Variants in CDC42EP1 observed in about 807,000 individuals in gnomAD.
CDC42EP1 encodes 55 kDa bone marrow stromal/endothelial cell protein.
CDC42EP1 carries 6 observed loss-of-function variants against 7.4 expected under a neutral mutation model. The ratio of observed to expected loss-of-function variants is 0.81; its 90% CI spans 0.44 to 1.60. CDC42EP1 has a LOEUF of 1.60. Ranked by LOEUF, CDC42EP1 falls within the 40% of genes most tolerant of loss-of-function variation. The probability of loss-of-function intolerance (pLI) is 0.01; values close to 1 mark genes in which losing one functional copy is unlikely to be tolerated. For missense variants in CDC42EP1, 567 were observed against 539.0 expected, an observed-to-expected ratio of 1.05 and a Z score of -0.51; for synonymous variants, 238 against 227.1, an observed-to-expected ratio of 1.05 and a Z score of -0.43.
chr22:37,567,297 G>T (rs892450002), intron 2 of CDC42EP1, among the ~76,000 whole-genome samples: 3 of 152,156 alleles, frequency 2.0e-5, no homozygotes, highest in Admixed American at 6.6e-5. Context: ...CAGGAGAGGC[G>T]CAGGGGGGCT....
At position 37,568,255 on chromosome 22, in the gene CDC42EP1, C is replaced by T; in HGVS notation, c.611C>T (p.Pro204Leu). Reference protein sequence around the residue: ...LSFRLDLDLGPSLLSELLGVM... With the variant: ...LSFRLDLDLGLSLLSELLGVM... ...TTCCGCCTGGACCTCGACCTTGGGC[C>T]CTCACTCCTCAGCGAGCTGCTAGGG... Residue 204 changes from proline to leucine, a missense_variant, in exon 3 of 3, where the codon CCC becomes CTC. Pro to Leu is a moderately conservative substitution (Grantham distance 98). Transcript: ENST00000249014. The T allele has an allele frequency of 6.2e-7, 1 of 1,613,754 alleles. No individual in the cohort carries two copies. Among genetic ancestry groups the T allele is most frequent in the South Asian group, 1.1e-5 (1 of 91,084 alleles).
rs761116224 is a variant in CDC42EP1, at chr22:37,568,210, G to A, written c.566G>A (p.Arg189His). The A allele has an allele frequency of 7.4e-6, 12 of 1,613,770 alleles. No individual in the cohort carries two copies. Among genetic ancestry groups the A allele is most frequent in the Admixed American group, 1.7e-5 (1 of 59,986 alleles). ...TTCCCCTCTGAGCCCGGGCTTCGCC[G>A]CTCTGACTCTCTCTTGTCCTTCCGC... ...GSFPSEPGLR[R>H]SDSLLSFRLD... The change falls in exon 3 of 3, where the codon CGC (arginine) becomes CAC (histidine). Residue 189 changes from arginine to histidine, a missense_variant. Arg to His is a conservative substitution (Grantham distance 29). Coordinates refer to ENST00000249014, the MANE Select transcript of CDC42EP1 (RefSeq NM_152243.3).
chr22:37,568,261 T>C lies in CDC42EP1; in HGVS notation c.617T>C (p.Leu206Pro). ...CTGGACCTCGACCTTGGGCCCTCAC[T>C]CCTCAGCGAGCTGCTAGGGGTCATG... ...FRLDLDLGPS[L>P]LSELLGVMSL... Residue 206 changes from leucine (L) to proline (P), a missense_variant, in exon 3 of 3, where the codon CTC (leucine) becomes CCC (proline). Coordinates refer to ENST00000249014, the MANE Select transcript of CDC42EP1 (RefSeq NM_152243.3). The C allele has an allele frequency of 6.2e-7, 1 of 1,613,422 alleles. No individual in the cohort carries two copies. The highest frequency in any genetic ancestry group is 8.5e-7 in the Non-Finnish European group (1 of 1,179,920).
chr22:37,561,997 T>C (rs1925059987), intron 1 of CDC42EP1, among the ~76,000 whole-genome samples: 1 of 152,146 alleles, frequency 6.6e-6, no homozygotes, highest in South Asian at 2.1e-4. Context: ...CTATCCTCTA[T>C]AGGGTAAATA....
chr22:37,566,439 G>A lies in CDC42EP1; in HGVS notation c.90G>A (p.Lys30=), dbSNP rs1029006626. ...GCTGGGTGTCCAGTTCACAGGGAAA[G>A]AGGCGGCTGACTGCAGACATGATCA... ...PVGWVSSSQG[K]RRLTADMISH... is the part of the protein sequence containing the mutation. Residue 30 remains lysine (K), a synonymous_variant, in exon 2 of 3, where the codon AAG becomes AAA. Coordinates refer to ENST00000249014, the MANE Select transcript of CDC42EP1 (RefSeq NM_152243.3). This position sits in a 1 kb window ranked among gnomAD's most constrained non-coding sequence, Gnocchi z 6.4. 2.5e-6 allele frequency: 4 copies of A among 1,610,952 alleles called. No homozygotes were observed. The highest frequency in any genetic ancestry group is 3.4e-6 in the Non-Finnish European group (4 of 1,178,776).
At chr22:37,564,522 T>A (rs1448321741) in intron 1 of CDC42EP1, 1 of 152,274 alleles carries the variant, frequency 6.6e-6, no homozygotes, top group Non-Finnish European at 1.5e-5. Flanking sequence ...GCTCTGGCTG[T>A]TTACCCAGCT....
Position 37,566,597 on chromosome 22 carries a change from C to A in CDC42EP1, c.248C>A (p.Ala83Asp), listed in dbSNP as rs779105093. The change falls in exon 2 of 3, where the codon GCC (alanine) becomes GAC (aspartate). Residue 83 changes from alanine (A) to aspartate (D), a missense_variant. Transcript: ENST00000249014. This position sits in a 1 kb window ranked among gnomAD's most constrained non-coding sequence, Gnocchi z 6.4. ...STHRSPRSFL[A>D]KKLQLVRRVG... ...CATCGCTCACCCCGCAGCTTCCTGG[C>A]CAAGAAGCTGCAGCTGGTGCGGAGG... 1 of 1,599,876 alleles carries A rather than the reference C, an allele frequency of 6.3e-7. No homozygotes were observed. Among genetic ancestry groups the A allele is most frequent in the African/African-American group, 1.3e-5 (1 of 74,862 alleles).
At chr22:37,564,774 T>A (rs1925166205) in intron 1 of CDC42EP1, among the ~76,000 whole-genome samples, 2 of 152,162 alleles carry the variant, frequency 1.3e-5, no homozygotes, top group Non-Finnish European at 2.9e-5. Context: ...AGGAGTAATG[T>A]TTTTGTTGTT....
Position 37,566,755 on chromosome 22 carries a change from G to T in CDC42EP1, c.406G>T (p.Gly136Cys), listed in dbSNP as rs1197184622. Residue 136 changes from glycine to cysteine, a missense_variant, in exon 2 of 3, where the codon GGC (glycine) becomes TGC (cysteine). Gly to Cys is a radical substitution (Grantham distance 159). Coordinates refer to ENST00000249014, the MANE Select transcript of CDC42EP1 (RefSeq NM_152243.3). This position sits in a 1 kb window ranked among gnomAD's most constrained non-coding sequence, Gnocchi z 6.4. ...NQAAYDSLVVGKLSFDSSPTS... is the reference protein window; with the variant it reads ...NQAAYDSLVVCKLSFDSSPTS... Reference sequence around the variant, plus strand: ...GGCCGCCTACGACAGCCTCGTGGTTGGCAAGCTCAGCTTCGACAGCAGCCC... The same window carrying T: ...GGCCGCCTACGACAGCCTCGTGGTTTGCAAGCTCAGCTTCGACAGCAGCCC... 2.5e-6 allele frequency: 4 copies of T among 1,601,004 alleles called. No homozygotes were observed. The Admixed American group carries it at 5.2e-5, about 21-fold the overall frequency.
At chr22:37,563,751 C>T (rs1925128310) in intron 1 of CDC42EP1, 1 of 152,220 alleles carries the variant, frequency 6.6e-6, no homozygotes, top group Admixed American at 6.5e-5. Context: ...TCATTATTGA[C>T]TTTTATCAGC....
At chr22:37,564,834 A>G (rs1046583090) in intron 1 of CDC42EP1, among the ~76,000 whole-genome samples, 3 of 152,190 alleles carry the variant, frequency 2.0e-5, no homozygotes, top group African/African-American at 7.2e-5. Flanking sequence ...GCTGGAGTGC[A>G]GTGGCGCAAT....
rs1925236962 is a variant in CDC42EP1 at position 37,566,363 on chromosome 22, AG to A, written c.20del (p.Gly7AlafsTer7). 3 of 1,198,934 alleles carry A rather than the reference AG, an allele frequency of 2.5e-6. No homozygotes were observed. The highest frequency in any genetic ancestry group is 3.2e-6 in the Non-Finnish European group (3 of 939,224). 74.3% of individuals were successfully genotyped at this position (1,198,934 alleles called of 1,614,324 possible). On this transcript the variant is annotated frameshift_variant, in exon 2 of 3. Coordinates refer to ENST00000249014, the MANE Select transcript of CDC42EP1 (RefSeq NM_152243.3). LOFTEE classifies it high-confidence loss of function. This position sits in a 1 kb window ranked among gnomAD's most constrained non-coding sequence, Gnocchi z 6.4. MPGPQGGRGAATMSL... is the reference protein window; with the variant it reads MPGPXGGRGAATMSL... ...CAGCCAGAGCTGATGCCCGGCCCCCAGGGGGGCAGAGGCGCCGCCACCATGA... is the reference window on the plus strand; with the variant it reads ...CAGCCAGAGCTGATGCCCGGCCCCCAGGGGGCAGAGGCGCCGCCACCATGA...
intron 1 of CDC42EP1, among the ~76,000 whole-genome samples, chr22:37,560,798 C>G (rs1169053972): frequency 6.6e-6 from 1 of 152,052 alleles, no homozygotes; most frequent in East Asian, 2.0e-4. Flanking sequence ...CTTCGTGTCC[C>G]GTTCCAGGCT....
chr22:37,568,986 T>A lies in CDC42EP1; in HGVS notation c.*166T>A, dbSNP rs1032326405. ...GGAGGACAGGGAAGGCCAGGCTTGC[T>A]CTGGGACTTTTATGCTCCCAGAGGC... is the stretch of plus-strand genomic sequence containing the variant. On this transcript the variant is annotated 3_prime_UTR_variant, in exon 3 of 3. Coordinates refer to ENST00000249014, the MANE Select transcript of CDC42EP1 (RefSeq NM_152243.3). 2 of 455,236 alleles carry A rather than the reference T, an allele frequency of 4.4e-6. No homozygotes were observed. Among genetic ancestry groups the A allele is most frequent in the Admixed American group, 8.3e-5 (2 of 24,136 alleles). 28.2% of individuals were successfully genotyped at this position (455,236 alleles called of 1,614,324 possible).
In CDC42EP1 at chr22:37,569,330, C is replaced by T. The variant is rs189008099; in HGVS notation, c.*510C>T. The T allele has an allele frequency of 4.3e-3, 660 of 152,944 alleles. No individual in the cohort carries two copies. The highest frequency in any genetic ancestry group is 0.01 in the Middle Eastern group (3 of 294). The allele number at this position is 152,944 out of a possible 1,614,324, so 9.5% of individuals were successfully genotyped here. ...CCCAGAAAGGTCAGGTATGACCTCC[C>T]GGGGAGGAATCCCACCTGCCTGTAT... On this transcript the variant is annotated 3_prime_UTR_variant, in exon 3 of 3. Transcript: ENST00000249014.
rs767175635 is a variant in CDC42EP1, at chr22:37,568,437, AC to A, written c.798del (p.Thr267ArgfsTer24). 45 of 1,541,008 alleles carry A rather than the reference AC, an allele frequency of 2.9e-5. No homozygotes were observed. Among genetic ancestry groups the A allele is most frequent in the Non-Finnish European group, 3.8e-5 (43 of 1,127,688 alleles). ...TGCAAACCCCTCAGCACCTGCCGCA[AC>A]CCCCACGGGTCCTGCTGCAAATCCC... ...PAANPSAPAA[T>X]PTGPAANPPA... On this transcript the variant is annotated frameshift_variant, in exon 3 of 3. Coordinates refer to ENST00000249014, the MANE Select transcript of CDC42EP1 (RefSeq NM_152243.3). LOFTEE classifies it low-confidence loss of function (END_TRUNC).
rs760780041 is a variant in CDC42EP1, at chr22:37,566,556, C to G, written c.207C>G (p.Gly69=). 2 of 1,607,790 alleles carry G rather than the reference C, an allele frequency of 1.2e-6. No individual in the cohort carries two copies. The highest frequency in any genetic ancestry group is 2.7e-5 in the African/African-American group (2 of 74,960). The change falls in exon 2 of 3, where the codon GGC becomes GGG. Residue 69 remains glycine (G), a synonymous_variant. Transcript: ENST00000249014. This position sits in a 1 kb window ranked among gnomAD's most constrained non-coding sequence, Gnocchi z 6.4. The part of the protein sequence containing the change: ...GDTSFLSNHG[G]SSGSTHRSPR... ...CGTCCTTCCTCAGCAACCACGGTGGCAGCTCCGGGAGCACCCATCGCTCAC... is the reference window on the plus strand; with the variant it reads ...CGTCCTTCCTCAGCAACCACGGTGGGAGCTCCGGGAGCACCCATCGCTCAC...
In CDC42EP1 at chr22:37,568,335, C is replaced by G. The variant is rs1196709293; in HGVS notation, c.691C>G (p.Pro231Ala). 1 of 1,594,212 alleles carries G rather than the reference C, an allele frequency of 6.3e-7. No individual in the cohort carries two copies. Among genetic ancestry groups the G allele is most frequent in the Non-Finnish European group, 8.6e-7 (1 of 1,165,948 alleles). ...TGAGACTCCAGCCCCCGCTGCAAAC[C>G]CCCCAGCCCCTACTGCAAACCCCAC... ...AAETPAPAAN[P>A]PAPTANPTGP... Residue 231 changes from proline (P) to alanine (A), a missense_variant, in exon 3 of 3, where the codon CCC becomes GCC. Physicochemically the swap from Pro to Ala is conservative, Grantham distance 27. Transcript: ENST00000249014.
intron 1 of CDC42EP1, chr22:37,564,562 C>T (rs1405316219): frequency 6.6e-6 from 1 of 152,354 alleles, no homozygotes; most frequent in African/African-American, 2.4e-5. Context: ...TGTCTGCTCC[C>T]TCCTGGCTTC....
Sources: allele counts gnomAD v4.1 joint callset (sites outside exome capture counted in the v4.1 genomes callset), GRCh38; gene constraint gnomAD v4.1.1; non-coding constraint Gnocchi (gnomAD v3.1); transcripts MANE v1.5; gene names NCBI Gene and HGNC (gene_info 2026-07-23, HGNC 2026-07-21).